The following AOPEP variants were observed in gnomAD, a reference collection of about 807,000 sequenced individuals.
The protein encoded by AOPEP is aminopeptidase O (putative).
In AOPEP, 77 loss-of-function variants were observed where a neutral mutation model predicts 98.1. The ratio of observed to expected loss-of-function variants is 0.78; its 90% CI spans 0.65 to 0.95. The LOEUF (loss-of-function observed/expected upper bound fraction) is 0.95, where lower values mean the gene tolerates loss of function less well. Among genes scored for constraint, AOPEP ranks in the 40% least tolerant of loss-of-function variants. The pLI, the probability that AOPEP is intolerant of heterozygous loss-of-function variation, is 0.00. For synonymous variants in AOPEP, 346 were observed against 365.3 expected (o/e 0.95, Z 0.60); for missense variants, 1,024 against 1,024.7 (o/e 1.00, Z 0.01).
intron 14 of AOPEP, among the ~76,000 whole-genome samples, chr9:95,068,018 C>T (rs1239860198): frequency 6.6e-6 from 1 of 152,196 alleles, no homozygotes; most frequent in African/African-American, 2.4e-5. Context: ...ATCATTACTT[C>T]ATTCCTTTTT....
chr9:94,962,730 CTTTTTT>C (rs3992777), intron 9 of AOPEP, among the ~76,000 whole-genome samples: 15 of 129,736 alleles, frequency 1.2e-4, no homozygotes, highest in African/African-American at 4.0e-4. Flanking sequence ...ATATTATCAT[CTTTTTT>C]TTTTTTTTTT....
chr9:95,006,051 A>T (rs1564513008), intron 13 of AOPEP: 1 of 472,918 alleles, frequency 2.1e-6, no homozygotes, highest in Non-Finnish European at 4.4e-6. Context: ...AAAGAAGTGG[A>T]TTACTTTTAA....
intron 11 of AOPEP, among the ~76,000 whole-genome samples, chr9:94,989,194 C>T (rs187214483): frequency 1.3e-4 from 19 of 151,574 alleles, no homozygotes; most frequent in African/African-American, 2.9e-4. Context: ...CTCTGCCTCC[C>T]GGGTTCATGC....
At position 94,817,804 on chromosome 9, in the gene AOPEP, C is replaced by A. The variant is rs1852040050; in HGVS notation, c.1364+16802C>A. Among the ~76,000 whole-genome samples, 4 of 152,188 alleles carry A rather than the reference C, an allele frequency of 2.6e-5. No homozygotes were observed. In the South Asian group the frequency reaches 8.3e-4, roughly 32 times the overall value. ...CCTATCTTGCTGGGTCCAAAGAGTT[C>A]CCTAAGCTTTCATGTGAAGTATGAG... On this transcript the variant is annotated intron_variant, in intron 5 of 16. Coordinates refer to ENST00000375315, the MANE Select transcript of AOPEP (RefSeq NM_001193329.3).
intron 14 of AOPEP, among the ~76,000 whole-genome samples, chr9:95,074,960 G>A (rs1369976241): frequency 6.6e-6 from 1 of 152,196 alleles, no homozygotes; most frequent in Non-Finnish European, 1.5e-5. Flanking sequence ...AGGTGTGGGT[G>A]CTGCAGGTGT....
chr9:94,824,583 T>C (rs1854040474), intron 5 of AOPEP: 1 of 152,178 alleles, frequency 6.6e-6, no homozygotes, highest in Admixed American at 6.5e-5. Flanking sequence ...CTGTATATCA[T>C]GGGAGTGTGT....
Position 95,086,910 on chromosome 9 carries a change from TG to T in AOPEP, c.*235del. 1.0e-6 allele frequency: 1 copy of T among 987,892 alleles called. No individual in the cohort carries two copies. Among genetic ancestry groups the T allele is most frequent in the Non-Finnish European group, 1.2e-6 (1 of 830,094 alleles). 61.2% of individuals were successfully genotyped at this position (987,892 alleles called of 1,614,324 possible). On this transcript the variant is annotated 3_prime_UTR_variant, in exon 17 of 17. Transcript: ENST00000375315. ...CCTCCCTGGAGGCTGCCTCCTGCCC[TG>T]GATCTGGAGTGGAGCTGCTCTGAGA...
chr9:95,132,536 A>G, the AOPEP span, among the ~76,000 whole-genome samples: 6 of 152,194 alleles, frequency 3.9e-5, no homozygotes, highest in African/African-American at 7.2e-5. Context: ...TGTACAGTAA[A>G]TGACAATCTA....
intron 14 of AOPEP, among the ~76,000 whole-genome samples, chr9:95,067,250 C>T (rs549399222): frequency 2.0e-5 from 3 of 152,268 alleles, no homozygotes; most frequent in African/African-American, 7.2e-5. Context: ...GCCGCTCGCA[C>T]GGAGTCAGCT....
chr9:94,845,862 G>T (rs1388634762), intron 5 of AOPEP, among the ~76,000 whole-genome samples: 3 of 152,094 alleles, frequency 2.0e-5, no homozygotes, highest in Non-Finnish European at 4.4e-5. Context: ...GGAGGCCAAG[G>T]TGGGGGTGGA....
intron 5 of AOPEP, among the ~76,000 whole-genome samples, chr9:94,806,994 A>T (rs1202763376): frequency 6.6e-6 from 1 of 152,190 alleles, no homozygotes; most frequent in Admixed American, 6.5e-5. Context: ...CTGATGTGTA[A>T]CTGTTTCTAA....
At chr9:94,871,472 T>C (rs2046340740) in intron 5 of AOPEP, among the ~76,000 whole-genome samples, 1 of 152,202 alleles carries the variant, frequency 6.6e-6, no homozygotes, top group African/African-American at 2.4e-5. Context: ...CATCTTGATA[T>C]TTTGATCCCA....
intron 13 of AOPEP, among the ~76,000 whole-genome samples, chr9:95,033,403 T>A (rs2064497807): frequency 6.6e-6 from 1 of 152,112 alleles, no homozygotes; most frequent in African/African-American, 2.4e-5. Context: ...CTCTCCTCCC[T>A]CCCTGTTGTG....
chr9:95,038,910 T>TA (rs768641779), intron 13 of AOPEP, among the ~76,000 whole-genome samples: 19 of 152,198 alleles, frequency 1.2e-4, no homozygotes, highest in Non-Finnish European at 1.3e-4. Context: ...AATTGGGACT[T>TA]ACGGATAACC....
At chr9:94,775,305 A>G (rs1841831962) in intron 3 of AOPEP, among the ~76,000 whole-genome samples, 1 of 151,590 alleles carries the variant, frequency 6.6e-6, no homozygotes, top group African/African-American at 2.4e-5. Context: ...GAATTTTTAA[A>G]TTTTGTGATG....
At chr9:95,122,010 A>AC in the AOPEP span, among the ~76,000 whole-genome samples, 1 of 151,942 alleles carries the variant, frequency 6.6e-6, no homozygotes, top group African/African-American at 2.4e-5. Context: ...AGCGCCCACC[A>AC]CCATGCCCGG....
intron 14 of AOPEP, among the ~76,000 whole-genome samples, chr9:95,078,120 G>A (rs1431755888): frequency 4.6e-5 from 7 of 152,122 alleles, no homozygotes; most frequent in South Asian, 2.1e-4. Flanking sequence ...GGGGTCAGAA[G>A]CCTGGGTCTC....
chr9:94,785,418 A>C (rs1162920449), intron 3 of AOPEP, among the ~76,000 whole-genome samples: 1 of 152,212 alleles, frequency 6.6e-6, no homozygotes, highest in Non-Finnish European at 1.5e-5. Context: ...GTATCTTACT[A>C]GTGAGACAAC....
At chr9:95,073,622 T>G (rs1468589278) in intron 14 of AOPEP, among the ~76,000 whole-genome samples, 1 of 152,060 alleles carries the variant, frequency 6.6e-6, no homozygotes, top group Non-Finnish European at 1.5e-5. Flanking sequence ...TTTGGGAGGC[T>G]GAGGTGGGTG....
Sources: allele counts gnomAD v4.1 joint callset (sites outside exome capture counted in the v4.1 genomes callset), GRCh38; gene constraint gnomAD v4.1.1; transcripts MANE v1.5; gene names NCBI Gene and HGNC (gene_info 2026-07-23, HGNC 2026-07-21).